MYO1B: variants seen among roughly 807,000 people sequenced by gnomAD.
MYO1B encodes the protein myosin IB.
MYO1B carries 72 observed loss-of-function variants against 159.7 expected under a neutral mutation model. The ratio of observed to expected loss-of-function variants is 0.45; its 90% CI spans 0.37 to 0.55. The LOEUF (loss-of-function observed/expected upper bound fraction) is 0.55. Among genes scored for constraint, MYO1B ranks in the 20% least tolerant of loss-of-function variants. MYO1B has a pLI of 0.00. For synonymous variants in MYO1B, 468 were observed against 473.8 expected (o/e 0.99, Z 0.16); for missense variants, 1,062 against 1,364.8 (o/e 0.78, Z 3.50).
intron 5 of MYO1B, among the ~76,000 whole-genome samples, chr2:191,343,446 A>AT (rs994949075): frequency 6.6e-6 from 1 of 152,176 alleles, no homozygotes; most frequent in African/African-American, 2.4e-5. Flanking sequence ...AGGACACACC[A>AT]TGCATCTGTA....
chr2:191,303,905 C>G (rs975098583), intron 3 of MYO1B, among the ~76,000 whole-genome samples: 1 of 152,132 alleles, frequency 6.6e-6, no homozygotes, highest in Admixed American at 6.5e-5. Flanking sequence ...ATAAACATCT[C>G]GTGTGTAATG....
intron 4 of MYO1B, among the ~76,000 whole-genome samples, chr2:191,334,073 C>G (rs1489088858): frequency 6.6e-6 from 1 of 150,470 alleles, no homozygotes. Flanking sequence ...CTCTTTCATT[C>G]TTACATTCTT....
At position 191,364,296 on chromosome 2, in the gene MYO1B, C is replaced by T; in HGVS notation, c.1032+20C>T. On this transcript the variant is annotated intron_variant, in intron 11 of 30. Coordinates refer to ENST00000392318, the MANE Select transcript of MYO1B (RefSeq NM_001130158.3). ...GCTCAGGTGGGTGAAACATAATGTA[C>T]AGACGAAAGTTTCTTAAAAGTCTGT... is the stretch of plus-strand genomic sequence containing the variant. 1 of 1,563,630 alleles carries T rather than the reference C, an allele frequency of 6.4e-7. No homozygotes were observed. Among genetic ancestry groups the T allele is most frequent in the Non-Finnish European group, 8.8e-7 (1 of 1,136,286 alleles).
intron 21 of MYO1B, among the ~76,000 whole-genome samples, chr2:191,399,048 G>A (rs1696411859): frequency 6.6e-6 from 1 of 152,200 alleles, no homozygotes; most frequent in Non-Finnish European, 1.5e-5. Context: ...CGGATCACTC[G>A]CGGTTAGGAG....
At chr2:191,338,666 G>A (rs1396979131) in intron 4 of MYO1B, among the ~76,000 whole-genome samples, 1 of 152,170 alleles carries the variant, frequency 6.6e-6, no homozygotes, top group Admixed American at 6.6e-5. Flanking sequence ...TGCTAAAGCA[G>A]TTGTCCTCTA....
chr2:191,414,228 G>A (rs1212935684), intron 28 of MYO1B, 48 bp downstream of exon 28: 4 of 1,564,556 alleles, frequency 2.6e-6, no homozygotes, highest in Non-Finnish European at 3.5e-6. Context: ...TATTAGTTGG[G>A]ATAGTCACCC....
At chr2:191,293,501 A>T (rs1198648381) in intron 2 of MYO1B, among the ~76,000 whole-genome samples, 1 of 152,202 alleles carries the variant, frequency 6.6e-6, no homozygotes, top group Non-Finnish European at 1.5e-5. Flanking sequence ...CTCCATATGC[A>T]GATCCATTTT....
intron 3 of MYO1B, among the ~76,000 whole-genome samples, chr2:191,300,295 TGC>T (rs1689231993): frequency 5.7e-5 from 2 of 35,170 alleles, no homozygotes; most frequent in East Asian, 3.1e-3. Flanking sequence ...TTGAAAACTT[TGC>T]CAATTAACTT....
At chr2:191,363,919 T>G in intron 10 of MYO1B, 44 bp downstream of exon 10, 1 of 1,608,204 alleles carries the variant, frequency 6.2e-7, no homozygotes, top group East Asian at 2.2e-5. Context: ...GGAAACTTGC[T>G]TTGAACTTCT....
chr2:191,399,092 C>T (rs1213117006), intron 21 of MYO1B, among the ~76,000 whole-genome samples: 6 of 152,134 alleles, frequency 3.9e-5, no homozygotes, highest in South Asian at 2.1e-4. Context: ...AGCAAAACCC[C>T]GTCTCCACCA....
chr2:191,302,017 A>G (rs1024373488), intron 3 of MYO1B, among the ~76,000 whole-genome samples: 7 of 151,178 alleles, frequency 4.6e-5, no homozygotes, highest in Non-Finnish European at 7.4e-5. Flanking sequence ...AAACCCCACT[A>G]CTCTCCTTTG....
intron 15 of MYO1B, 92 bp from the exon 16 acceptor site, chr2:191,385,792 T>C (rs1695367039): frequency 2.3e-6 from 3 of 1,320,854 alleles, no homozygotes; most frequent in Non-Finnish European, 3.2e-6. Context: ...TTCTTGTGAC[T>C]AAGTTGATTG....
intron 25 of MYO1B, 55 bp from the exon 26 acceptor site, chr2:191,408,989 A>C: frequency 6.5e-7 from 1 of 1,540,254 alleles, no homozygotes; most frequent in Non-Finnish European, 8.8e-7. Flanking sequence ...TATGTAAAAC[A>C]GTGTCTTTTG....
intron 13 of MYO1B, chr2:191,378,062 A>C (rs1221338763): frequency 6.6e-6 from 1 of 151,876 alleles, no homozygotes. Flanking sequence ...CAGACAGTCA[A>C]GTTTTTGTTA....
rs2126013967 is a variant in MYO1B, at chr2:191,362,281, T to G, written c.675T>G (p.Leu225=). 1 of 1,613,574 alleles carries G rather than the reference T, an allele frequency of 6.2e-7. No homozygotes were observed. The highest frequency in any genetic ancestry group is 2.2e-5 in the East Asian group (1 of 44,848). The change falls in exon 9 of 31, where the codon CTT becomes CTG. Residue 225 remains leucine, a synonymous_variant. Transcript: ENST00000392318. ...TTGATTCAATAGATAAACTTAAGCTTGAGAGGGATTTCAGCAGGTATAACT... is the reference window on the plus strand; with the variant it reads ...TTGATTCAATAGATAAACTTAAGCTGGAGAGGGATTTCAGCAGGTATAACT... ...ASEELLNKLK[L]ERDFSRYNYL...
chr2:191,327,342 G>A (rs1238581835), intron 3 of MYO1B, among the ~76,000 whole-genome samples: 2 of 152,164 alleles, frequency 1.3e-5, no homozygotes, highest in African/African-American at 2.4e-5. Flanking sequence ...TTGTATTCTG[G>A]TAGGGAATAA....
At chr2:191,291,041 C>T (rs958141096) in intron 2 of MYO1B, among the ~76,000 whole-genome samples, 1 of 152,144 alleles carries the variant, frequency 6.6e-6, no homozygotes, top group Non-Finnish European at 1.5e-5. Flanking sequence ...TGGCCGTTCC[C>T]TACATCATTG....
chr2:191,363,718 CT>C lies in MYO1B; in HGVS notation c.766-9del. The C allele has an allele frequency of 3.2e-6, 5 of 1,549,592 alleles. No individual in the cohort carries two copies. Among genetic ancestry groups the C allele is most frequent in the Non-Finnish European group, 4.3e-6 (5 of 1,155,258 alleles). Reference sequence around the variant, plus strand: ...GAAAAAAATAGTTGCTTTTTTTTTTCTCTCCCCAGAATGCCATGCAGATTGT... The same window carrying C: ...GAAAAAAATAGTTGCTTTTTTTTTTCCTCCCCAGAATGCCATGCAGATTGT... On this transcript the variant is annotated splice_polypyrimidine_tract_variant and intron_variant, in intron 9 of 30. Transcript: ENST00000392318.
At chr2:191,335,203 G>A (rs1691752008) in intron 4 of MYO1B, among the ~76,000 whole-genome samples, 1 of 152,132 alleles carries the variant, frequency 6.6e-6, no homozygotes, top group Non-Finnish European at 1.5e-5. Context: ...CTACATGCTT[G>A]GTAGCACCTA....
Sources: gnomAD v4.1 joint callset for allele counts (sites outside exome capture counted in the v4.1 genomes callset) on GRCh38, gnomAD v4.1.1 for gene constraint, MANE v1.5 for transcripts, NCBI Gene and HGNC (gene_info 2026-07-23, HGNC 2026-07-21) for gene names.